Variants in CSRP3 observed in about 807,000 individuals in gnomAD.
CSRP3 encodes cysteine and glycine-rich protein 3.
A neutral mutation model predicts 24.3 loss-of-function variants in CSRP3; 24 were observed. The ratio of observed to expected loss-of-function variants is 0.99; its 90% CI spans 0.71 to 1.39. CSRP3 has a LOEUF of 1.39. Among genes scored for constraint, CSRP3 ranks in the 40% most tolerant of loss-of-function variants. CSRP3 has a pLI of 0.00. For synonymous variants in CSRP3, 105 were observed against 94.0 expected (o/e 1.12, Z -0.68); for missense variants, 240 against 249.0 (o/e 0.96, Z 0.24).
In CSRP3 at chr11:19,186,279, G is replaced by A. The variant is rs766621810; in HGVS notation, c.351C>T (p.Ser117=). 24 of 1,614,152 alleles carry A rather than the reference G, an allele frequency of 1.5e-5. No homozygotes were observed. Among genetic ancestry groups the A allele is most frequent in the East Asian group, 8.9e-5 (4 of 44,888 alleles). ...ACTTGCCACATCGAGGGCACTTCTC[G>A]GACTCTCCAAACTTCGCAGTGAATT... ...PSKFTAKFGE[S]EKCPRCGKSV... is the part of the protein sequence containing the mutation. The change falls in exon 4 of 6, where the codon TCC becomes TCT. Residue 117 remains serine, a synonymous_variant. Coordinates refer to ENST00000265968, the MANE Select transcript of CSRP3 (RefSeq NM_003476.5).
In CSRP3 at chr11:19,187,041, C is replaced by A. The variant is rs1380207242; in HGVS notation, c.282-693G>T. 2.0e-5 allele frequency among the ~76,000 whole-genome samples: 3 copies of A among 152,124 alleles called. No homozygotes were observed. The East Asian group carries it at 5.8e-4, about 29-fold the overall frequency. On this transcript the variant is annotated intron_variant, in intron 3 of 5. Coordinates refer to ENST00000265968, the MANE Select transcript of CSRP3 (RefSeq NM_003476.5). ...AGGATCAGAGTGTGACTGCCCAAGG[C>A]CAGGCAGCTCATGAATGATGGACCT... is the stretch of plus-strand genomic sequence containing the variant.
intron 1 of CSRP3, among the ~76,000 whole-genome samples, chr11:19,197,572 T>TTTCTTTCTTTCTTTCC (rs1565055785): frequency 6.8e-6 from 1 of 146,432 alleles, no homozygotes; most frequent in Non-Finnish European, 1.5e-5. Flanking sequence ...TCTTTCTTTC[T>TTTCTTTCTTTCTTTCC]TTCTTCTTTC....
chr11:19,183,254 C>T (rs991142960), intron 5 of CSRP3, among the ~76,000 whole-genome samples: 9 of 152,204 alleles, frequency 5.9e-5, no homozygotes, highest in African/African-American at 1.9e-4. Context: ...ATTGTTTACA[C>T]TTCTTGCCAC....
intron 1 of CSRP3, among the ~76,000 whole-genome samples, chr11:19,194,564 T>C (rs1032872894): frequency 6.6e-6 from 1 of 152,092 alleles, no homozygotes; most frequent in Non-Finnish European, 1.5e-5. Context: ...CTGTAGTCAG[T>C]CCTAGCTACT....
intron 1 of CSRP3, among the ~76,000 whole-genome samples, chr11:19,194,534 C>T (rs182253175): frequency 9.2e-5 from 14 of 152,064 alleles, no homozygotes; most frequent in Admixed American, 2.6e-4. Context: ...AAAAAATTAC[C>T]CTGGTGTGGT....
At position 19,188,050 on chromosome 11, in the gene CSRP3, C is replaced by A. The variant is rs980642093; in HGVS notation, c.281+86G>T. On this transcript the variant is annotated intron_variant, in intron 3 of 5. Coordinates refer to ENST00000265968, the MANE Select transcript of CSRP3 (RefSeq NM_003476.5). ...AACAATAGAGTCCATTCTCCCACTT[C>A]CAGAAAACGTTGCTATGGGAACGAA... 2.0e-6 allele frequency: 3 copies of A among 1,531,874 alleles called. No individual in the cohort carries two copies. The Admixed American group carries it at 5.0e-5, about 26-fold the overall frequency. 94.9% of individuals were successfully genotyped at this position (1,531,874 alleles called of 1,614,324 possible). A position where few individuals can be genotyped will look rare whatever the true frequency, so the allele number is the denominator to read the frequency against.
intron 1 of CSRP3, among the ~76,000 whole-genome samples, chr11:19,195,223 A>T (rs1320703597): frequency 1.3e-5 from 2 of 151,988 alleles, no homozygotes; most frequent in Non-Finnish European, 2.9e-5. Flanking sequence ...TAGAGGCCTA[A>T]ATAGCCTCTA....
At chr11:19,183,465 C>A (rs1850471956) in intron 5 of CSRP3, among the ~76,000 whole-genome samples, 1 of 152,132 alleles carries the variant, frequency 6.6e-6, no homozygotes, top group Non-Finnish European at 1.5e-5. Context: ...CCTCCCAAAC[C>A]CACATTCACC....
At chr11:19,198,761 C>T (rs1850785723) in intron 1 of CSRP3, among the ~76,000 whole-genome samples, 2 of 152,188 alleles carry the variant, frequency 1.3e-5, no homozygotes, top group African/African-American at 4.8e-5. Context: ...AGTTCAGAAA[C>T]ACTAACTGTT....
At chr11:19,192,553 G>T in intron 1 of CSRP3, 77 bp from the exon 2 acceptor site, 1 of 897,982 alleles carries the variant, frequency 1.1e-6, no homozygotes, top group Non-Finnish European at 1.8e-6. Context: ...GCAGTGGTCT[G>T]AAGACCAGGA....
In CSRP3 at chr11:19,192,521, G is replaced by A. The variant is rs1850633744; in HGVS notation, c.-28-45C>T. 4 of 1,208,040 alleles carry A rather than the reference G, an allele frequency of 3.3e-6. No homozygotes were observed. In the Admixed American group the frequency reaches 7.1e-5, roughly 21 times the overall value. The allele number at this position is 1,208,040 out of a possible 1,614,324, so 74.8% of individuals were successfully genotyped here. On this transcript the variant is annotated intron_variant, in intron 1 of 5. Transcript: ENST00000265968. The stretch of plus-strand genomic sequence containing the variant: ...ATACCCTACATTGAAGTGGCCCCAG[G>A]AGTGAACCAATCTCTAAGAGTGCAG...
intron 2 of CSRP3, among the ~76,000 whole-genome samples, chr11:19,191,930 A>G (rs956398142): frequency 6.6e-6 from 1 of 152,218 alleles, no homozygotes; most frequent in African/African-American, 2.4e-5. Context: ...AGCTGGCTTC[A>G]GTCACAGCTG....
chr11:19,199,155 T>C (rs1850794176), intron 1 of CSRP3, among the ~76,000 whole-genome samples: 1 of 151,824 alleles, frequency 6.6e-6, no homozygotes, highest in South Asian at 2.1e-4. Context: ...CCTTGCGTTG[T>C]TGGATTGGGT....
intron 4 of CSRP3, among the ~76,000 whole-genome samples, chr11:19,185,900 A>G (rs1217551088): frequency 1.3e-5 from 2 of 152,126 alleles, no homozygotes; most frequent in Non-Finnish European, 2.9e-5. Flanking sequence ...TGGGGCTGAC[A>G]TCTTTTGGGG....
At chr11:19,188,891 C>T (rs1028439528) in intron 2 of CSRP3, among the ~76,000 whole-genome samples, 8 of 151,878 alleles carry the variant, frequency 5.3e-5, no homozygotes, top group Non-Finnish European at 7.4e-5. Flanking sequence ...TTGGCTCAAG[C>T]CCCCTGGTTA....
At chr11:19,199,008 T>G (rs563041968) in intron 1 of CSRP3, among the ~76,000 whole-genome samples, 1 of 152,380 alleles carries the variant, frequency 6.6e-6, no homozygotes, top group Non-Finnish European at 1.5e-5. Flanking sequence ...AGTCTGTTCT[T>G]TTAGAACAAA....
intron 1 of CSRP3, among the ~76,000 whole-genome samples, chr11:19,197,689 C>T (rs1850764848): frequency 6.6e-6 from 1 of 151,500 alleles, no homozygotes; most frequent in Non-Finnish European, 1.5e-5. Context: ...GCAGAGACCT[C>T]AAGCCACAGT....
At position 19,186,253 on chromosome 11, in the gene CSRP3, G is replaced by T; in HGVS notation, c.377C>A (p.Ser126Ter). The T allele has an allele frequency of 6.2e-7, 1 of 1,614,202 alleles. No individual in the cohort carries two copies. The highest frequency in any genetic ancestry group is 8.5e-7 in the Non-Finnish European group (1 of 1,180,030). The change falls in exon 4 of 6, where the codon TCA becomes TAA. Residue 126 changes from serine (S) to a stop codon, truncating the protein, a stop_gained. Transcript: ENST00000265968. LOFTEE classifies it high-confidence loss of function. Reference protein sequence around the residue: ...ESEKCPRCGKSVYAAEKVMGG... With the variant: ...ESEKCPRCGK ...CATAACCTTCTCAGCAGCATAGACTGACTTGCCACATCGAGGGCACTTCTC... is the reference window on the plus strand; with the variant it reads ...CATAACCTTCTCAGCAGCATAGACTTACTTGCCACATCGAGGGCACTTCTC...
intron 1 of CSRP3, among the ~76,000 whole-genome samples, chr11:19,200,718 A>G (rs971769212): frequency 6.6e-6 from 1 of 152,228 alleles, no homozygotes; most frequent in African/African-American, 2.4e-5. Context: ...GCCAAGTCAT[A>G]AGACTCCCTC....
Sources: allele counts gnomAD v4.1 joint callset (sites outside exome capture counted in the v4.1 genomes callset), GRCh38; gene constraint gnomAD v4.1.1; transcripts MANE v1.5; gene names NCBI Gene and HGNC (gene_info 2026-07-23, HGNC 2026-07-21).